The following POU3F3 variants were observed in gnomAD, a reference collection of about 807,000 sequenced individuals.
POU3F3 encodes POU class 3 homeobox 3, also known as POU domain, class 3, transcription factor 3.
Under a neutral mutation model 8.6 loss-of-function variants are expected in POU3F3, and 1 was observed. That is an observed-to-expected ratio of 0.12 (90% CI 0.04 to 0.55). The LOEUF is 0.55. POU3F3 is among the 20% of genes least tolerant of loss of function. POU3F3 has a pLI of 0.91. For synonymous variants in POU3F3, 418 were observed against 327.4 expected (o/e 1.28, Z -2.99); for missense variants, 577 against 690.7 (o/e 0.84, Z 1.84).
the POU3F3 span, among the ~76,000 whole-genome samples, chr2:104,901,820 C>T: frequency 2.0e-5 from 3 of 152,184 alleles, no homozygotes; most frequent in Non-Finnish European, 4.4e-5. Flanking sequence ...GCCGGAGCCA[C>T]GGCCAGGTTG....
At chr2:104,914,012 C>T in the POU3F3 span, among the ~76,000 whole-genome samples, 2 of 152,246 alleles carry the variant, frequency 1.3e-5, no homozygotes, top group East Asian at 3.8e-4. Context: ...TCTATTGTCT[C>T]TCACATTCTG....
chr2:104,904,685 A>G, the POU3F3 span, among the ~76,000 whole-genome samples: 1 of 152,156 alleles, frequency 6.6e-6, no homozygotes, highest in Non-Finnish European at 1.5e-5. Context: ...GTAGAAAGGC[A>G]AAGTCAAATG....
the POU3F3 span, among the ~76,000 whole-genome samples, chr2:104,924,342 T>C: frequency 2.0e-5 from 3 of 152,178 alleles, no homozygotes; most frequent in Non-Finnish European, 2.9e-5. Flanking sequence ...ATGATTATAT[T>C]TGAGTTGTTT....
the POU3F3 span, among the ~76,000 whole-genome samples, chr2:104,902,854 C>G: frequency 6.6e-6 from 1 of 152,170 alleles, no homozygotes; most frequent in Non-Finnish European, 1.5e-5. Flanking sequence ...TAACTATTCA[C>G]CACACTGAGA....
chr2:104,924,498 T>C, the POU3F3 span, among the ~76,000 whole-genome samples: 4 of 152,244 alleles, frequency 2.6e-5, no homozygotes, highest in Non-Finnish European at 4.4e-5. Context: ...CCTACTCTGA[T>C]GCTTTTGTTC....
the POU3F3 span, among the ~76,000 whole-genome samples, chr2:104,903,804 G>A: frequency 2.0e-5 from 3 of 152,304 alleles, no homozygotes; most frequent in South Asian, 6.2e-4. Context: ...AGCTCTACGG[G>A]TTCTTGCAGG....
At chr2:104,902,544 T>C in the POU3F3 span, among the ~76,000 whole-genome samples, 2 of 152,222 alleles carry the variant, frequency 1.3e-5, no homozygotes, top group African/African-American at 2.4e-5. Flanking sequence ...ATTGCTGTTA[T>C]AGACCATGTG....
Position 104,856,929 on chromosome 2 carries a change from G to A in POU3F3, c.1419G>A (p.Thr473=). 1 of 1,613,468 alleles carries A rather than the reference G, an allele frequency of 6.2e-7. No homozygotes were observed. Among genetic ancestry groups the A allele is most frequent in the Middle Eastern group, 1.6e-4 (1 of 6,062 alleles). Residue 473 remains threonine (T), a synonymous_variant, in exon 1 of 1, where the codon ACG becomes ACA. Coordinates refer to ENST00000361360, the MANE Select transcript of POU3F3 (RefSeq NM_006236.3). The part of the protein sequence containing the change: ...RMTPPGIQQQ[T]PDDVYSQVGT... ...CGCCGCCCGGGATCCAACAGCAGACGCCCGACGACGTCTACTCGCAGGTGG... is the reference window on the plus strand; with the variant it reads ...CGCCGCCCGGGATCCAACAGCAGACACCCGACGACGTCTACTCGCAGGTGG...
At chr2:104,869,430 C>G in the POU3F3 span, among the ~76,000 whole-genome samples, 4 of 152,198 alleles carry the variant, frequency 2.6e-5, no homozygotes, top group Admixed American at 6.5e-5. Flanking sequence ...AGTCTGCCTC[C>G]AAATCTCACC....
At chr2:104,912,672 C>T in the POU3F3 span, among the ~76,000 whole-genome samples, 5 of 152,152 alleles carry the variant, frequency 3.3e-5, no homozygotes, top group African/African-American at 4.8e-5. Context: ...ACATTGAGCA[C>T]GACCCAGGTC....
the POU3F3 span, among the ~76,000 whole-genome samples, chr2:104,915,447 C>G: frequency 6.6e-6 from 1 of 152,036 alleles, no homozygotes; most frequent in Non-Finnish European, 1.5e-5. Flanking sequence ...AAGTCTCTGG[C>G]AAAATTATGC....
the POU3F3 span, among the ~76,000 whole-genome samples, chr2:104,878,162 G>A: frequency 1.3e-5 from 2 of 152,292 alleles, no homozygotes; most frequent in Middle Eastern, 3.4e-3. Context: ...TAGTAGGTCA[G>A]CTTGGTGGAA....
At chr2:104,884,702 A>G in the POU3F3 span, among the ~76,000 whole-genome samples, 1 of 152,306 alleles carries the variant, frequency 6.6e-6, no homozygotes, top group East Asian at 1.9e-4. Context: ...CTAACTCAGA[A>G]GGGCCAACAG....
At chr2:104,916,264 A>G in the POU3F3 span, among the ~76,000 whole-genome samples, 1 of 152,176 alleles carries the variant, frequency 6.6e-6, no homozygotes, top group African/African-American at 2.4e-5. Flanking sequence ...ATCTAACTAG[A>G]TTTATTGACA....
At position 104,855,535 on chromosome 2, in the gene POU3F3, T is replaced by C; in HGVS notation, c.25T>C (p.Tyr9His). 1 of 1,037,534 alleles carries C rather than the reference T, an allele frequency of 9.6e-7. No individual in the cohort carries two copies. Among genetic ancestry groups the C allele is most frequent in the Non-Finnish European group, 1.2e-6 (1 of 862,796 alleles). The allele number at this position is 1,037,534 out of a possible 1,614,324, so 64.3% of individuals were successfully genotyped here. A position where few individuals can be genotyped will look rare whatever the true frequency, so the allele number is the denominator to read the frequency against. The change falls in exon 1 of 1, where the codon TAC becomes CAC. Residue 9 changes from tyrosine (Y) to histidine (H), a missense_variant. Physicochemically the swap from Tyr to His is moderately conservative, Grantham distance 83. Around this residue, in one of 7 missense-constraint regions of POU3F3, gnomAD observed 484 missense variants for 422.6 expected, o/e 1.15. Coordinates refer to ENST00000361360, the MANE Select transcript of POU3F3 (RefSeq NM_006236.3). ...CATGGCCACGGCGGCTTCTAACCCC[T>C]ACCTGCCGGGGAACAGCCTGCTCGC... is the stretch of plus-strand genomic sequence containing the variant. MATAASNPYLPGNSLLAAG... is the reference protein window; with the variant it reads MATAASNPHLPGNSLLAAG...
At chr2:104,917,546 G>A in the POU3F3 span, among the ~76,000 whole-genome samples, 1 of 152,188 alleles carries the variant, frequency 6.6e-6, no homozygotes, top group South Asian at 2.1e-4. Context: ...AAATTTGGGG[G>A]GATGGGAGTT....
At chr2:104,866,293 G>C in the POU3F3 span, 1 of 152,254 alleles carries the variant, frequency 6.6e-6, no homozygotes, top group Non-Finnish European at 1.5e-5. Context: ...TTTCGGTGAG[G>C]AGGGGCGGCC....
the POU3F3 span, among the ~76,000 whole-genome samples, chr2:104,901,605 T>C: frequency 6.6e-6 from 1 of 152,230 alleles, no homozygotes; most frequent in Non-Finnish European, 1.5e-5. Flanking sequence ...GATTTGTCAA[T>C]AATACTTAGC....
the POU3F3 span, among the ~76,000 whole-genome samples, chr2:104,908,096 G>A: frequency 1.2e-4 from 18 of 152,282 alleles, no homozygotes; most frequent in East Asian, 2.3e-3. Context: ...TTAACATGGC[G>A]AATTGCATGA....
Sources: allele counts gnomAD v4.1 joint callset (sites outside exome capture counted in the v4.1 genomes callset), GRCh38; gene constraint gnomAD v4.1.1; regional missense constraint gnomAD v4.1.1; transcripts MANE v1.5; gene names NCBI Gene and HGNC (gene_info 2026-07-23, HGNC 2026-07-21).